COTL1: variants seen among roughly 807,000 people sequenced by gnomAD.
The protein encoded by COTL1 is coactosin like F-actin binding protein 1.
Under a neutral mutation model 16.5 loss-of-function variants are expected in COTL1, and 15 were observed. That is an observed-to-expected ratio of 0.91 (90% CI 0.61 to 1.40). The LOEUF is 1.40. Ranked by LOEUF, COTL1 falls within the 40% of genes most tolerant of loss-of-function variation. The pLI is 0.00. For missense variants in COTL1, 220 were observed against 201.5 expected (o/e 1.09, Z -0.56); for synonymous variants, 112 against 85.3 (o/e 1.31, Z -1.73).
chr16:84,613,013 T>C (rs1597187698), intron 2 of COTL1, among the ~76,000 whole-genome samples: 1 of 151,062 alleles, frequency 6.6e-6, no homozygotes, highest in East Asian at 1.9e-4. Context: ...TTTCTTTTTT[T>C]TTTTTGAGAT....
chr16:84,590,613 A>C lies in COTL1; in HGVS notation c.161-351T>G. On this transcript the variant is annotated intron_variant, in intron 2 of 3. Transcript: ENST00000262428. This position sits in a 1 kb window ranked among gnomAD's most constrained non-coding sequence, Gnocchi z 5.5. The stretch of plus-strand genomic sequence containing the variant: ...CTGCAACGCCTACAGCCTTCCTACA[A>C]TCAAGGCTCAAAGTCTGGGTGGGCC... The C allele has an allele frequency of 5.8e-6, 1 of 173,682 alleles. No individual in the cohort carries two copies. Among genetic ancestry groups the C allele is most frequent in the East Asian group, 1.6e-4 (1 of 6,404 alleles). 10.8% of individuals were successfully genotyped at this position (173,682 alleles called of 1,614,324 possible). A position where few individuals can be genotyped will look rare whatever the true frequency, so the allele number is the denominator to read the frequency against.
At chr16:84,615,120 G>A (rs749722528) in intron 2 of COTL1, among the ~76,000 whole-genome samples, 2 of 152,230 alleles carry the variant, frequency 1.3e-5, no homozygotes, top group African/African-American at 2.4e-5. Context: ...ATGAGGACAC[G>A]ACGACAGGAA....
intron 2 of COTL1, among the ~76,000 whole-genome samples, chr16:84,604,336 C>T (rs1905166869): frequency 7.1e-6 from 1 of 140,114 alleles, no homozygotes; most frequent in African/African-American, 2.7e-5. Context: ...ACGGCCCCCA[C>T]CCCATGGCCC....
intron 2 of COTL1, among the ~76,000 whole-genome samples, chr16:84,614,416 G>C (rs1330636577): frequency 6.6e-6 from 1 of 152,096 alleles, no homozygotes; most frequent in Non-Finnish European, 1.5e-5. Flanking sequence ...CTCTGAGGGA[G>C]GAAAGGCCAG....
At chr16:84,571,719 G>A (rs537215733) in intron 3 of COTL1, among the ~76,000 whole-genome samples, 1 of 152,316 alleles carries the variant, frequency 6.6e-6, no homozygotes, top group East Asian at 1.9e-4. Context: ...CGGGCCCATT[G>A]CCTGGACGTC....
chr16:84,570,478 A>G (rs1052000896), intron 3 of COTL1, among the ~76,000 whole-genome samples: 18 of 118,350 alleles, frequency 1.5e-4, no homozygotes, highest in African/African-American at 4.9e-4. Context: ...CTATGTTTCA[A>G]ACTACAAAAA....
chr16:84,568,211 T>G (rs566550037), intron 3 of COTL1: 1 of 152,336 alleles, frequency 6.6e-6, no homozygotes, highest in East Asian at 1.9e-4. Flanking sequence ...TTGGCCAGGC[T>G]GGTCTCAAAC....
At chr16:84,567,406 G>A (rs886064106) in intron 3 of COTL1, 4 of 156,216 alleles carry the variant, frequency 2.6e-5, no homozygotes, top group Admixed American at 1.9e-4. Flanking sequence ...TCAGATTGGT[G>A]TCTTTTGCCC....
chr16:84,579,220 G>A (rs1046770956), intron 3 of COTL1, among the ~76,000 whole-genome samples: 2 of 152,218 alleles, frequency 1.3e-5, no homozygotes, highest in African/African-American at 4.8e-5. Context: ...AAACAGGCCG[G>A]GCATGGTGGC....
intron 2 of COTL1, among the ~76,000 whole-genome samples, chr16:84,591,656 A>AAAAAC: frequency 6.9e-6 from 1 of 145,416 alleles, no homozygotes; most frequent in African/African-American, 2.5e-5. Flanking sequence ...AAAAAAAAAA[A>AAAAAC]AAAAAAAAAC....
intron 2 of COTL1, among the ~76,000 whole-genome samples, chr16:84,607,091 T>A (rs370722087): frequency 2.0e-5 from 3 of 152,106 alleles, no homozygotes; most frequent in East Asian, 3.9e-4. Context: ...CCGCCAAGGA[T>A]ACCACCACCA....
At chr16:84,614,156 C>T (rs1376590836) in intron 2 of COTL1, among the ~76,000 whole-genome samples, 1 of 152,232 alleles carries the variant, frequency 6.6e-6, no homozygotes, top group East Asian at 1.9e-4. Context: ...TTTCTGCTTA[C>T]ATTAATCTGC....
At chr16:84,578,948 T>G (rs1053531739) in intron 3 of COTL1, among the ~76,000 whole-genome samples, 2 of 148,798 alleles carry the variant, frequency 1.3e-5, no homozygotes, top group Admixed American at 1.3e-4. Context: ...CACACACAGG[T>G]GCACACAGGT....
intron 2 of COTL1, among the ~76,000 whole-genome samples, chr16:84,608,608 T>C (rs1905258603): frequency 6.6e-6 from 1 of 152,134 alleles, no homozygotes; most frequent in Non-Finnish European, 1.5e-5. Context: ...AGGGTACCAC[T>C]TAAAAACAAA....
intron 2 of COTL1, among the ~76,000 whole-genome samples, chr16:84,600,701 G>A (rs552243830): frequency 1.3e-5 from 2 of 152,250 alleles, no homozygotes; most frequent in African/African-American, 2.4e-5. Context: ...CTGTAAATGC[G>A]GTTTGATATC....
intron 3 of COTL1, among the ~76,000 whole-genome samples, chr16:84,577,944 C>A (rs1041712216): frequency 3.9e-5 from 6 of 152,322 alleles, no homozygotes; most frequent in African/African-American, 1.2e-4. Flanking sequence ...GCTTTCCTGA[C>A]CACAGAGATT....
chr16:84,573,326 G>A (rs559927426), intron 3 of COTL1, among the ~76,000 whole-genome samples: 8 of 152,342 alleles, frequency 5.3e-5, no homozygotes, highest in South Asian at 2.1e-4. Context: ...CAGCAACAGC[G>A]CAGGTCTAGA....
intron 2 of COTL1, among the ~76,000 whole-genome samples, chr16:84,606,937 G>A (rs1364583246): frequency 1.3e-5 from 2 of 152,188 alleles, no homozygotes; most frequent in Non-Finnish European, 2.9e-5. Flanking sequence ...CTATAAGCAA[G>A]AGACAAAGGA....
intron 2 of COTL1, among the ~76,000 whole-genome samples, chr16:84,616,732 T>C (rs1905495818): frequency 6.6e-6 from 1 of 152,178 alleles, no homozygotes; most frequent in East Asian, 1.9e-4. Context: ...CACGTGGTCT[T>C]TCTTTTCATG....
Sources: allele counts gnomAD v4.1 joint callset (sites outside exome capture counted in the v4.1 genomes callset), GRCh38; gene constraint gnomAD v4.1.1; non-coding constraint Gnocchi (gnomAD v3.1); transcripts MANE v1.5; gene names NCBI Gene and HGNC (gene_info 2026-07-23, HGNC 2026-07-21).